MAP2: variants seen among roughly 807,000 people sequenced by gnomAD.
The protein encoded by MAP2 is microtubule-associated protein 2.
Under a neutral mutation model 137.6 loss-of-function variants are expected in MAP2, and 14 were observed. The ratio of observed to expected loss-of-function variants is 0.10; its 90% CI spans 0.07 to 0.16. The LOEUF is 0.16. Ranked by LOEUF, MAP2 falls within the 10% of genes least tolerant of loss-of-function variation. The pLI is 1.00. For missense variants in MAP2, 2,088 were observed against 2,191.5 expected (o/e 0.95, Z 0.94); for synonymous variants, 786 against 782.3 (o/e 1.00, Z -0.08).
At position 209,705,609 on chromosome 2, in the gene MAP2, C is replaced by T. The variant is rs151128639; in HGVS notation, c.4614C>T (p.Arg1538=). The T allele has an allele frequency of 2.0e-5, 32 of 1,611,992 alleles. No homozygotes were observed. In the African/African-American group the frequency reaches 2.8e-4, roughly 14 times the overall value. ...GAGTAACCAAGAGCCCAGAAAAGCG[C>T]TCTTCTCTCCCAAGACCTTCCTCCA... ...SDGVTKSPEK[R]SSLPRPSSIL... Residue 1538 remains arginine, a synonymous_variant, in exon 12 of 16, where the codon CGC becomes CGT. Coordinates refer to ENST00000682079, the MANE Select transcript of MAP2 (RefSeq NM_001375505.1).
intron 3 of MAP2, among the ~76,000 whole-genome samples, chr2:209,581,708 A>G (rs2076454154): frequency 6.6e-6 from 1 of 152,160 alleles, no homozygotes; most frequent in Admixed American, 6.6e-5. Flanking sequence ...TTAATTTTGA[A>G]CTTTAGGATA....
chr2:209,470,951 G>A (rs1265451831), intron 1 of MAP2, among the ~76,000 whole-genome samples: 1 of 151,976 alleles, frequency 6.6e-6, no homozygotes, highest in African/African-American at 2.4e-5. Context: ...CTCCATATTG[G>A]AGTAGACTAA....
intron 15 of MAP2, 75 bp downstream of exon 15, chr2:209,730,037 T>C (rs1276350067): frequency 1.1e-5 from 13 of 1,237,702 alleles, no homozygotes; most frequent in African/African-American, 1.5e-5. Context: ...TCAAAATAGG[T>C]CCCAGATTGT....
At chr2:209,532,238 AG>A (rs1449403144) in intron 2 of MAP2, among the ~76,000 whole-genome samples, 2 of 141,054 alleles carry the variant, frequency 1.4e-5, no homozygotes, top group Non-Finnish European at 3.0e-5. Flanking sequence ...AGCCAGTCTC[AG>A]GAAAAAAAAA....
chr2:209,630,794 C>T (rs1281754571), intron 4 of MAP2, among the ~76,000 whole-genome samples: 1 of 151,470 alleles, frequency 6.6e-6, no homozygotes, highest in Non-Finnish European at 1.5e-5. Flanking sequence ...AGGGAGTGTT[C>T]ACTACATACT....
intron 2 of MAP2, among the ~76,000 whole-genome samples, chr2:209,518,482 G>A (rs1464537462): frequency 3.9e-5 from 6 of 152,060 alleles, no homozygotes; most frequent in African/African-American, 9.7e-5. Flanking sequence ...ACCAAAGCAC[G>A]CATAAGGGAA....
At chr2:209,558,506 C>T (rs1393428940) in intron 2 of MAP2, among the ~76,000 whole-genome samples, 3 of 151,876 alleles carry the variant, frequency 2.0e-5, no homozygotes, top group Non-Finnish European at 2.9e-5. Flanking sequence ...CATTTTTCTT[C>T]TGAACTGTTT....
rs758152120 is a variant in MAP2, at chr2:209,693,458, G to A, written c.1288G>A (p.Gly430Arg). 3.1e-6 allele frequency: 5 copies of A among 1,613,814 alleles called. No individual in the cohort carries two copies. Among genetic ancestry groups the A allele is most frequent in the Admixed American group, 3.3e-5 (2 of 59,970 alleles). ...GCAAAGGGATACTTTCACCCCCAGT[G>A]GACAGGAACCTATACTTACTGAAAA... is the stretch of plus-strand genomic sequence containing the variant. ...VQQRDTFTPS[G>R]QEPILTEKET... The change falls in exon 8 of 16, where the codon GGA (glycine) becomes AGA (arginine). Residue 430 changes from glycine to arginine, a missense_variant. Physicochemically the swap from Gly to Arg is moderately radical, Grantham distance 125. Transcript: ENST00000682079.
At chr2:209,485,099 G>T (rs2058212564) in intron 1 of MAP2, among the ~76,000 whole-genome samples, 2 of 152,194 alleles carry the variant, frequency 1.3e-5, no homozygotes. Context: ...TAGTTTCTTT[G>T]CTGTGGCACT....
At chr2:209,444,511 A>G (rs1209153466) in intron 1 of MAP2, among the ~76,000 whole-genome samples, 3 of 151,490 alleles carry the variant, frequency 2.0e-5, no homozygotes, top group African/African-American at 4.8e-5. Context: ...GAGGAAGCCT[A>G]TTTGTCTAAA....
At chr2:209,431,311 T>A (rs1323850164) in intron 1 of MAP2, among the ~76,000 whole-genome samples, 1 of 152,208 alleles carries the variant, frequency 6.6e-6, no homozygotes, top group African/African-American at 2.4e-5. Context: ...TAACTTTTTG[T>A]AGCCCTGTTA....
In MAP2 at chr2:209,696,757, A is replaced by G; in HGVS notation, c.4387+9A>G. 6.3e-7 allele frequency: 1 copy of G among 1,597,720 alleles called. No homozygotes were observed. On this transcript the variant is annotated intron_variant, in intron 9 of 15. Coordinates refer to ENST00000682079, the MANE Select transcript of MAP2 (RefSeq NM_001375505.1). Reference sequence around the variant, plus strand: ...AGTGAGAAGGAAAAAAGGTTCATTTAACAATCACTTCTTTAAAAATGTTTT... The same window carrying G: ...AGTGAGAAGGAAAAAAGGTTCATTTGACAATCACTTCTTTAAAAATGTTTT...
chr2:209,493,648 A>G (rs2059398981), intron 1 of MAP2, among the ~76,000 whole-genome samples: 1 of 152,252 alleles, frequency 6.6e-6, no homozygotes, highest in Non-Finnish European at 1.5e-5. Flanking sequence ...TTCTCAAAGT[A>G]AGACATTTAT....
intron 2 of MAP2, among the ~76,000 whole-genome samples, chr2:209,529,053 A>G (rs1279050664): frequency 6.6e-6 from 1 of 151,984 alleles, no homozygotes; most frequent in African/African-American, 2.4e-5. Flanking sequence ...AAGAACTTTG[A>G]GTCTGAACTA....
chr2:209,614,859 T>C (rs2088580737), intron 3 of MAP2, among the ~76,000 whole-genome samples: 1 of 152,090 alleles, frequency 6.6e-6, no homozygotes. Flanking sequence ...AGAACTCAAA[T>C]CAGCTGGAGA....
At chr2:209,434,941 A>G (rs1013213041) in intron 1 of MAP2, among the ~76,000 whole-genome samples, 7 of 141,144 alleles carry the variant, frequency 5.0e-5, no homozygotes, top group Middle Eastern at 3.4e-3. Flanking sequence ...TGTTATATAT[A>G]TGTGTTTTAT....
Position 209,545,148 on chromosome 2 carries a change from A to C in MAP2, c.-171-34888A>C, listed in dbSNP as rs540081733. Among the ~76,000 whole-genome samples, 14 of 152,266 alleles carry C rather than the reference A, an allele frequency of 9.2e-5. No individual in the cohort carries two copies. In the East Asian group the frequency reaches 2.7e-3, roughly 29 times the overall value. On this transcript the variant is annotated intron_variant, in intron 2 of 15. Coordinates refer to ENST00000682079, the MANE Select transcript of MAP2 (RefSeq NM_001375505.1). ...AATCTGGCAGTGATCAGATTGTTTT[A>C]CACATTTAAATTAGGTTATTTATGC...
At chr2:209,529,171 A>G (rs903463714) in intron 2 of MAP2, among the ~76,000 whole-genome samples, 1 of 152,064 alleles carries the variant, frequency 6.6e-6, no homozygotes. Context: ...ATGAAGCAGC[A>G]ACAGTTATCA....
chr2:209,524,547 G>A (rs1012983162), intron 2 of MAP2, among the ~76,000 whole-genome samples: 1 of 151,832 alleles, frequency 6.6e-6, no homozygotes, highest in African/African-American at 2.4e-5. Flanking sequence ...GGTAATACAT[G>A]CAATACACTA....
Sources: allele counts gnomAD v4.1 joint callset (sites outside exome capture counted in the v4.1 genomes callset), GRCh38; gene constraint gnomAD v4.1.1; transcripts MANE v1.5; gene names NCBI Gene and HGNC (gene_info 2026-07-23, HGNC 2026-07-21).